PRICKLE1: variants seen among roughly 807,000 people sequenced by gnomAD.
PRICKLE1 encodes the protein prickle planar cell polarity protein 1, also known as prickle-like protein 1.
In PRICKLE1, 14 loss-of-function variants were observed where a neutral mutation model predicts 70.2. That is an observed-to-expected ratio of 0.20 (90% CI 0.13 to 0.31). The LOEUF (loss-of-function observed/expected upper bound fraction) is 0.31, where lower values mean the gene tolerates loss of function less well. PRICKLE1 is among the 10% of genes least tolerant of loss of function. PRICKLE1 has a pLI of 1.00. For synonymous variants in PRICKLE1, 357 were observed against 379.9 expected, an observed-to-expected ratio of 0.94 and a Z score of 0.70; for missense variants, 821 against 1,026.2, an observed-to-expected ratio of 0.80 and a Z score of 2.73.
chr12:42,558,421 CAA>C (rs1035640496), intron 1 of PRICKLE1, among the ~76,000 whole-genome samples: 1 of 152,192 alleles, frequency 6.6e-6, no homozygotes, highest in African/African-American at 2.4e-5. Context: ...AAAAAAGGCA[CAA>C]TGTTTCCTAA....
rs1593106487 is a variant in PRICKLE1, at chr12:42,464,921, A to G, written c.1113T>C (p.Leu371=). ...GACTCAGATCATCCAATTTTCGAGA[A>G]AGGGTGTCATCAGCATTGCCTGAGA... is the stretch of plus-strand genomic sequence containing the variant. The part of the protein sequence containing the change: ...PGLSGNADDT[L]SRKLDDLSLS... The change falls in exon 7 of 8, where the codon CTT becomes CTC. Residue 371 remains leucine (L), a synonymous_variant. Transcript: ENST00000345127. The surrounding 1 kb of genome is among the most constrained non-coding windows in gnomAD (Gnocchi z 4.2). The G allele has an allele frequency of 6.2e-7, 1 of 1,614,150 alleles. No individual in the cohort carries two copies. The highest frequency in any genetic ancestry group is 8.5e-7 in the Non-Finnish European group (1 of 1,180,032).
intron 1 of PRICKLE1, among the ~76,000 whole-genome samples, chr12:42,477,619 C>G (rs761444739): frequency 6.6e-6 from 1 of 151,220 alleles, no homozygotes; most frequent in Non-Finnish European, 1.5e-5. Context: ...GGAGCCTGGC[C>G]ATTCCTTCTG....
At chr12:42,521,979 CTTTT>C (rs548219588) in intron 1 of PRICKLE1, among the ~76,000 whole-genome samples, 1 of 119,930 alleles carries the variant, frequency 8.3e-6, no homozygotes. Context: ...TGTTTAACTT[CTTTT>C]TTTTTTTTTT....
At chr12:42,498,176 CT>C (rs59478495) in intron 1 of PRICKLE1, among the ~76,000 whole-genome samples, 25,899 of 137,572 alleles carry the variant, frequency 0.19, 2,843 homozygotes, top group African/African-American at 0.32. Context: ...TTCTCTCTCT[CT>C]TTTTTTTTTT....
intron 1 of PRICKLE1, among the ~76,000 whole-genome samples, chr12:42,540,828 T>C (rs2120596644): frequency 6.6e-6 from 1 of 152,300 alleles, no homozygotes; most frequent in East Asian, 1.9e-4. Flanking sequence ...CCCAAAGTGC[T>C]GGGATTACAG....
intron 1 of PRICKLE1, among the ~76,000 whole-genome samples, chr12:42,534,790 A>T (rs1267954469): frequency 2.0e-5 from 3 of 152,070 alleles, no homozygotes; most frequent in Non-Finnish European, 4.4e-5. Context: ...ACTAAAAAAA[A>T]CCCCAAAGAA....
At chr12:42,530,235 C>T (rs11181543) in intron 1 of PRICKLE1, among the ~76,000 whole-genome samples, 62,747 of 151,956 alleles carry the variant, frequency 0.41, 15,181 homozygotes, top group East Asian at 0.66. Flanking sequence ...TAAGCCACTG[C>T]GCCCGGCCTA....
chr12:42,461,831 C>G (rs779670454), intron 7 of PRICKLE1, among the ~76,000 whole-genome samples: 4 of 152,178 alleles, frequency 2.6e-5, no homozygotes, highest in Non-Finnish European at 5.9e-5. Context: ...TGGAGTCTCG[C>G]TCTGTCGCCC....
chr12:42,577,386 T>A (rs1940820852), intron 1 of PRICKLE1, among the ~76,000 whole-genome samples: 1 of 152,144 alleles, frequency 6.6e-6, no homozygotes, highest in Non-Finnish European at 1.5e-5. Context: ...TGTTAGGCCC[T>A]CAGGCCTTTA....
chr12:42,587,816 T>C (rs1418172494), intron 1 of PRICKLE1, among the ~76,000 whole-genome samples: 5 of 152,244 alleles, frequency 3.3e-5, no homozygotes, highest in South Asian at 2.1e-4. Flanking sequence ...GGAGTAAATA[T>C]TGTTCCAGAG....
At chr12:42,584,190 C>A (rs1261862414) in intron 1 of PRICKLE1, among the ~76,000 whole-genome samples, 1 of 152,040 alleles carries the variant, frequency 6.6e-6, no homozygotes. Flanking sequence ...GATCTCTCTA[C>A]CTTTTTAATG....
intron 1 of PRICKLE1, among the ~76,000 whole-genome samples, chr12:42,521,749 G>A (rs370718828): frequency 7.9e-5 from 12 of 151,498 alleles, no homozygotes; most frequent in Middle Eastern, 6.8e-3. Flanking sequence ...AGTTAAAACC[G>A]AGAACAAGCC....
At chr12:42,533,402 A>C (rs998049510) in intron 1 of PRICKLE1, among the ~76,000 whole-genome samples, 2 of 152,172 alleles carry the variant, frequency 1.3e-5, no homozygotes, top group Admixed American at 6.5e-5. Flanking sequence ...GTTTCATACC[A>C]GTGAGTACTA....
Position 42,460,395 on chromosome 12 carries a change from A to C in PRICKLE1, c.1910T>G (p.Val637Gly). The change falls in exon 8 of 8, where the codon GTC (valine) becomes GGC (glycine). Residue 637 changes from valine to glycine, a missense_variant. Coordinates refer to ENST00000345127, the MANE Select transcript of PRICKLE1 (RefSeq NM_153026.3). ...RPQQVKFSDD[V>G]IDNGNYDIEI... is the part of the protein sequence containing the mutation. ...AATGTCATAGTTCCCATTGTCAATG[A>C]CATCATCAGAAAACTTGACCTGCTG... 1.2e-6 allele frequency: 2 copies of C among 1,614,132 alleles called. No homozygotes were observed. Among genetic ancestry groups the C allele is most frequent in the Non-Finnish European group, 1.7e-6 (2 of 1,180,012 alleles).
At chr12:42,540,536 T>C (rs1051366359) in intron 1 of PRICKLE1, among the ~76,000 whole-genome samples, 32 of 152,254 alleles carry the variant, frequency 2.1e-4, no homozygotes, top group African/African-American at 7.2e-4. Flanking sequence ...AAGATATTTA[T>C]CATAGCTTGG....
chr12:42,525,322 T>C (rs1939782563), intron 1 of PRICKLE1, among the ~76,000 whole-genome samples: 1 of 152,184 alleles, frequency 6.6e-6, no homozygotes, highest in African/African-American at 2.4e-5. Flanking sequence ...ACAAATGTAC[T>C]GATAAAAGTA....
intron 1 of PRICKLE1, among the ~76,000 whole-genome samples, chr12:42,528,550 C>T (rs1384861633): frequency 2.0e-5 from 3 of 152,134 alleles, no homozygotes; most frequent in Admixed American, 6.5e-5. Flanking sequence ...AATGTCATTT[C>T]ATAATAAAAC....
At chr12:42,583,507 A>G (rs1332333519) in intron 1 of PRICKLE1, among the ~76,000 whole-genome samples, 2 of 152,104 alleles carry the variant, frequency 1.3e-5, no homozygotes, top group Admixed American at 1.3e-4. Context: ...TTAACCTCAC[A>G]CCTTCTCCTA....
At chr12:42,477,166 A>G (rs1938573721) in intron 1 of PRICKLE1, among the ~76,000 whole-genome samples, 2 of 151,834 alleles carry the variant, frequency 1.3e-5, no homozygotes, top group Non-Finnish European at 1.5e-5. Flanking sequence ...TGAGGTTGGG[A>G]GTTTGAGACC....
Sources: gnomAD v4.1 joint callset for allele counts (sites outside exome capture counted in the v4.1 genomes callset) on GRCh38, gnomAD v4.1.1 for gene constraint, Gnocchi (gnomAD v3.1) non-coding constraint, MANE v1.5 for transcripts, NCBI Gene and HGNC (gene_info 2026-07-23, HGNC 2026-07-21) for gene names.